Variants in SEPTIN10 observed in about 807,000 individuals in gnomAD.
SEPTIN10 encodes septin 10.
Under a neutral mutation model 54.8 loss-of-function variants are expected in SEPTIN10, and 66 were observed. The observed-to-expected ratio is 1.21, with a 90% confidence interval of 0.99 to 1.48. The LOEUF (loss-of-function observed/expected upper bound fraction) is 1.48, where lower values mean the gene tolerates loss of function less well. SEPTIN10 is among the 40% of genes most tolerant of loss of function. SEPTIN10 has a pLI of 0.00. For missense variants in SEPTIN10, 620 were observed against 545.6 expected (o/e 1.14, Z -1.36); for synonymous variants, 161 against 181.0 (o/e 0.89, Z 0.89).
In SEPTIN10 at chr2:109,544,282, G is replaced by C. The variant is rs1447779816; in HGVS notation, c.*27C>G. 1 of 1,612,448 alleles carries C rather than the reference G, an allele frequency of 6.2e-7. No homozygotes were observed. Among genetic ancestry groups the C allele is most frequent in the Non-Finnish European group, 8.5e-7 (1 of 1,179,678 alleles). ...TTTAATAAAGTTTGCTTGTGATGAT[G>C]ACCTTCTGTGCTCTGGAACTTCTGT... On this transcript the variant is annotated 3_prime_UTR_variant, in exon 11 of 11. Transcript: ENST00000397712.
intron 4 of SEPTIN10, among the ~76,000 whole-genome samples, chr2:109,578,042 T>C (rs1458728664): frequency 6.6e-6 from 1 of 151,890 alleles, no homozygotes; most frequent in Non-Finnish European, 1.5e-5. Context: ...TAAACACTCA[T>C]CTTCAACTTT....
intron 8 of SEPTIN10, among the ~76,000 whole-genome samples, chr2:109,561,268 C>T (rs1317762951): frequency 6.6e-6 from 1 of 152,098 alleles, no homozygotes; most frequent in Non-Finnish European, 1.5e-5. Flanking sequence ...CTGTTTTCCC[C>T]AAGTTACTAC....
chr2:109,590,015 TATATATACACACAC>T lies in SEPTIN10; in HGVS notation c.99+3022_99+3035del, dbSNP rs1460701869. Among the ~76,000 whole-genome samples, 5 of 151,158 alleles carry T rather than the reference TATATATACACACAC, an allele frequency of 3.3e-5. No individual in the cohort carries two copies. In the South Asian group the frequency reaches 6.3e-4, roughly 19 times the overall value. On this transcript the variant is annotated intron_variant, in intron 2 of 10. Transcript: ENST00000397712. ...TGTGCATTTTTCACATAATCATATA[TATATATACACACAC>T]ATATATACACACATATATATGTGTG...
At chr2:109,574,383 C>A (rs1363273958) in intron 5 of SEPTIN10, among the ~76,000 whole-genome samples, 198 bp downstream of exon 5, 4 of 144,506 alleles carry the variant, frequency 2.8e-5, no homozygotes, top group African/African-American at 1.0e-4. Flanking sequence ...GGGTTTGAGG[C>A]TGCAGTAAGC....
intron 5 of SEPTIN10, among the ~76,000 whole-genome samples, chr2:109,573,116 T>C (rs1688790344): frequency 6.6e-6 from 1 of 152,196 alleles, no homozygotes; most frequent in Non-Finnish European, 1.5e-5. Flanking sequence ...TCTATTTACA[T>C]GGATCAATTT....
At chr2:109,584,368 G>A (rs1159213947) in intron 4 of SEPTIN10, among the ~76,000 whole-genome samples, 5 of 151,400 alleles carry the variant, frequency 3.3e-5, no homozygotes, top group Admixed American at 1.3e-4. Flanking sequence ...CTAGCTACTC[G>A]GGAGGCTGAG....
At position 109,598,199 on chromosome 2, in the gene SEPTIN10, C is replaced by T. The variant is rs564385986; in HGVS notation, c.31-5080G>A. ...TGCCTCAGCCTCCCAAGTAGAGTAGCTAGGATTACAGGCATGCACCACCAC... is the reference window on the plus strand; with the variant it reads ...TGCCTCAGCCTCCCAAGTAGAGTAGTTAGGATTACAGGCATGCACCACCAC... On this transcript the variant is annotated intron_variant, in intron 1 of 10. Coordinates refer to ENST00000397712, the MANE Select transcript of SEPTIN10 (RefSeq NM_144710.5). Among the ~76,000 whole-genome samples, 3 of 151,990 alleles carry T rather than the reference C, an allele frequency of 2.0e-5. No individual in the cohort carries two copies. In the South Asian group the frequency reaches 6.2e-4, roughly 32 times the overall value.
chr2:109,564,205 C>A, intron 8 of SEPTIN10, 161 bp downstream of exon 8: 1 of 568,496 alleles, frequency 1.8e-6, no homozygotes, highest in Non-Finnish European at 2.7e-6. Context: ...AAGAAGGAGT[C>A]AAGTGATTCA....
intron 8 of SEPTIN10, among the ~76,000 whole-genome samples, chr2:109,558,773 G>A (rs958883306): frequency 1.6e-4 from 25 of 152,128 alleles, no homozygotes; most frequent in Admixed American, 1.3e-3. Flanking sequence ...ACAGGTTTGC[G>A]TAACTTGTCT....
At chr2:109,586,933 CAGA>C (rs1032557241) in intron 2 of SEPTIN10, among the ~76,000 whole-genome samples, 2 of 152,066 alleles carry the variant, frequency 1.3e-5, no homozygotes, top group African/African-American at 4.8e-5. Context: ...CAAGACTCTG[CAGA>C]AGAAGAAAAC....
In SEPTIN10 at chr2:109,585,232, C is replaced by T; in HGVS notation, c.307G>A (p.Val103Ile). The change falls in exon 4 of 11, where the codon GTT becomes ATT. Residue 103 changes from valine (V) to isoleucine (I), a missense_variant. By Grantham distance (29) the Val-to-Ile change is conservative. Coordinates refer to ENST00000397712, the MANE Select transcript of SEPTIN10 (RefSeq NM_144710.5). The stretch of plus-strand genomic sequence containing the variant: ...TCATATGTCTGAGCTTTAAGTTTAA[C>T]ATTTGGGCAAAAATGTGAGGATTCA... ...DYESSHFCPNVKLKAQTYELQ... is the reference protein window; with the variant it reads ...DYESSHFCPNIKLKAQTYELQ... The T allele has an allele frequency of 6.2e-7, 1 of 1,612,734 alleles. No homozygotes were observed. The highest frequency in any genetic ancestry group is 8.5e-7 in the Non-Finnish European group (1 of 1,179,278).
At chr2:109,588,850 TAAAAA>T (rs59135205) in intron 2 of SEPTIN10, among the ~76,000 whole-genome samples, 5 of 111,448 alleles carry the variant, frequency 4.5e-5, no homozygotes, top group African/African-American at 1.8e-4. Flanking sequence ...CAATTACTAT[TAAAAA>T]AAAAAAAAAA....
At chr2:109,587,679 C>T (rs1011133505) in intron 2 of SEPTIN10, among the ~76,000 whole-genome samples, 3 of 151,908 alleles carry the variant, frequency 2.0e-5, no homozygotes, top group East Asian at 1.9e-4. Context: ...TTTGGGAGGC[C>T]GAGGCGGGTG....
chr2:109,573,552 G>A (rs1186141586), intron 5 of SEPTIN10, among the ~76,000 whole-genome samples: 1 of 152,150 alleles, frequency 6.6e-6, no homozygotes, highest in Non-Finnish European at 1.5e-5. Flanking sequence ...TAAATCGACC[G>A]ATGTGCCAAA....
At chr2:109,547,290 A>T (rs1197149190) in intron 9 of SEPTIN10, among the ~76,000 whole-genome samples, 2 of 151,938 alleles carry the variant, frequency 1.3e-5, no homozygotes, top group Non-Finnish European at 2.9e-5. Flanking sequence ...TATAGAAGGT[A>T]GAATGCAGTC....
intron 4 of SEPTIN10, among the ~76,000 whole-genome samples, chr2:109,578,547 AC>A: frequency 6.6e-6 from 1 of 151,980 alleles, no homozygotes; most frequent in South Asian, 2.1e-4. Flanking sequence ...GGGTGGAATC[AC>A]CTGAGGTCAG....
chr2:109,561,993 C>T (rs995217806), intron 8 of SEPTIN10, among the ~76,000 whole-genome samples: 5 of 133,766 alleles, frequency 3.7e-5, no homozygotes, highest in Non-Finnish European at 7.8e-5. Flanking sequence ...ATTCCTGACC[C>T]CAAGGCCAGG....
At chr2:109,592,952 GTC>G in intron 2 of SEPTIN10, 97 bp downstream of exon 2, 1 of 676,074 alleles carries the variant, frequency 1.5e-6, no homozygotes, top group Non-Finnish European at 2.3e-6. Flanking sequence ...ACAAACAGAA[GTC>G]TCTATCACAA....
At chr2:109,580,349 C>CAAAAAAAAA (rs3058505) in intron 4 of SEPTIN10, among the ~76,000 whole-genome samples, 2 of 135,922 alleles carry the variant, frequency 1.5e-5, no homozygotes, top group Non-Finnish European at 1.6e-5. Flanking sequence ...CCATAAAATG[C>CAAAAAAAAA]AAAAAAAAAA....
Sources: gnomAD v4.1 joint callset for allele counts (sites outside exome capture counted in the v4.1 genomes callset) on GRCh38, gnomAD v4.1.1 for gene constraint, MANE v1.5 for transcripts, NCBI Gene and HGNC (gene_info 2026-07-23, HGNC 2026-07-21) for gene names.